CLASP1: variants seen among roughly 807,000 people sequenced by gnomAD.
CLASP1 encodes the protein cytoplasmic linker associated protein 1.
A neutral mutation model predicts 192.3 loss-of-function variants in CLASP1; 38 were observed. That is an observed-to-expected ratio of 0.20 (90% CI 0.15 to 0.26). The LOEUF is 0.26. Among genes scored for constraint, CLASP1 ranks in the 10% least tolerant of loss-of-function variants. The pLI is 1.00. For synonymous variants in CLASP1, 691 were observed against 712.8 expected (o/e 0.97, Z 0.49); for missense variants, 1,433 against 1,932.5 (o/e 0.74, Z 4.85).
chr2:121,441,867 C>G (rs954827201), intron 19 of CLASP1, among the ~76,000 whole-genome samples: 55 of 152,096 alleles, frequency 3.6e-4, no homozygotes, highest in African/African-American at 1.3e-3. Flanking sequence ...CTAAAATTCA[C>G]AGTTCTTGGA....
At chr2:121,627,493 T>C (rs897417958) in intron 1 of CLASP1, among the ~76,000 whole-genome samples, 2 of 152,186 alleles carry the variant, frequency 1.3e-5, no homozygotes, top group Admixed American at 1.3e-4. Flanking sequence ...CCTGCAAGGC[T>C]CTACTTTTCC....
chr2:121,559,803 C>T (rs536618773), intron 2 of CLASP1, among the ~76,000 whole-genome samples: 1 of 152,120 alleles, frequency 6.6e-6, no homozygotes, highest in South Asian at 2.1e-4. Flanking sequence ...TACAAAAAAA[C>T]CACTTAATTG....
At chr2:121,589,282 T>C (rs1304227300) in intron 2 of CLASP1, among the ~76,000 whole-genome samples, 1 of 152,128 alleles carries the variant, frequency 6.6e-6, no homozygotes, top group African/African-American at 2.4e-5. Flanking sequence ...TAGGCTAGAA[T>C]CAAATGGAGA....
At chr2:121,592,833 TA>T (rs2105767536) in intron 2 of CLASP1, among the ~76,000 whole-genome samples, 1 of 152,196 alleles carries the variant, frequency 6.6e-6, no homozygotes, top group East Asian at 1.9e-4. Flanking sequence ...TTTGTATTTT[TA>T]GTAGAGACGG....
chr2:121,518,750 G>A (rs2094387997), intron 6 of CLASP1, among the ~76,000 whole-genome samples: 1 of 151,906 alleles, frequency 6.6e-6, no homozygotes, highest in South Asian at 2.1e-4. Context: ...GGCGGCGAGC[G>A]CCTGTTAGTC....
At chr2:121,518,231 C>CAAAAAAAAAAAAA (rs35409200) in intron 6 of CLASP1, among the ~76,000 whole-genome samples, 1 of 49,580 alleles carries the variant, frequency 2.0e-5, no homozygotes, top group African/African-American at 7.1e-5. Context: ...ACCCCCGTCT[C>CAAAAAAAAAAAAA]AAAAAAAAAA....
chr2:121,394,010 G>T (rs1437367441), intron 30 of CLASP1, among the ~76,000 whole-genome samples: 4 of 152,134 alleles, frequency 2.6e-5, no homozygotes, highest in African/African-American at 9.7e-5. Context: ...GAATAACTAT[G>T]GAAGCCTTCT....
At chr2:121,447,712 TAATGTATC>T (rs1253077967) in intron 18 of CLASP1, among the ~76,000 whole-genome samples, 3 of 152,256 alleles carry the variant, frequency 2.0e-5, no homozygotes, top group Non-Finnish European at 4.4e-5. Flanking sequence ...ATCTCAATTG[TAATGTATC>T]AATTACATTT....
chr2:121,580,184 A>C lies in CLASP1; in HGVS notation c.195+25517T>G, dbSNP rs537584440. On this transcript the variant is annotated intron_variant, in intron 2 of 39. Transcript: ENST00000263710. ...AGAATTCCAAAAGAAAAATTAAGAA[A>C]TCACTGTGAGGTACCAGTGATCTTC... Among the ~76,000 whole-genome samples the C allele has an allele frequency of 3.9e-5, 6 of 152,314 alleles. No individual in the cohort carries two copies. In the South Asian group the frequency reaches 1.2e-3, roughly 32 times the overall value.
chr2:121,446,599 T>C (rs906801171), intron 19 of CLASP1, among the ~76,000 whole-genome samples: 1 of 152,222 alleles, frequency 6.6e-6, no homozygotes, highest in Non-Finnish European at 1.5e-5. Flanking sequence ...TTTGAATGAA[T>C]TGGCTCTTAC....
At chr2:121,469,267 C>A (rs1020551576) in intron 9 of CLASP1, among the ~76,000 whole-genome samples, 1 of 152,162 alleles carries the variant, frequency 6.6e-6, no homozygotes, top group Admixed American at 6.5e-5. Flanking sequence ...ACAGCTGCCA[C>A]CTCACCATGG....
chr2:121,377,971 T>A (rs539012650), intron 33 of CLASP1, among the ~76,000 whole-genome samples: 1 of 152,248 alleles, frequency 6.6e-6, no homozygotes, highest in African/African-American at 2.4e-5. Context: ...AAAAATAACT[T>A]TCTTATTTTG....
chr2:121,499,558 C>T (rs2093662184), intron 8 of CLASP1, among the ~76,000 whole-genome samples: 1 of 150,070 alleles, frequency 6.7e-6, no homozygotes, highest in Non-Finnish European at 1.5e-5. Context: ...AGTGAAACAC[C>T]AGTAGGTAAA....
At chr2:121,449,164 A>G in intron 16 of CLASP1, 44 bp from the exon 17 acceptor site, 1 of 1,581,728 alleles carries the variant, frequency 6.3e-7, no homozygotes, top group Non-Finnish European at 8.7e-7. Flanking sequence ...AAGGATCCAA[A>G]CAGGTCTTTT....
chr2:121,516,751 G>A (rs766551949), intron 6 of CLASP1, among the ~76,000 whole-genome samples: 10 of 152,210 alleles, frequency 6.6e-5, no homozygotes, highest in Non-Finnish European at 1.2e-4. Flanking sequence ...ATCATAAGCC[G>A]GGCGTGGTGG....
chr2:121,388,755 T>C (rs1182099962), intron 30 of CLASP1, among the ~76,000 whole-genome samples: 1 of 152,240 alleles, frequency 6.6e-6, no homozygotes, highest in African/African-American at 2.4e-5. Flanking sequence ...CTAATTGGCA[T>C]TTCTAATTAA....
chr2:121,428,144 G>T (rs576901612), intron 20 of CLASP1, among the ~76,000 whole-genome samples: 72 of 152,220 alleles, frequency 4.7e-4, no homozygotes, highest in African/African-American at 1.7e-3. Context: ...TTATAAGACT[G>T]AAAAATTAAA....
At chr2:121,619,731 G>C (rs2067013200) in intron 1 of CLASP1, among the ~76,000 whole-genome samples, 1 of 152,106 alleles carries the variant, frequency 6.6e-6, no homozygotes, top group Non-Finnish European at 1.5e-5. Flanking sequence ...AACTGTAAAA[G>C]TAGAACATAG....
intron 32 of CLASP1, among the ~76,000 whole-genome samples, chr2:121,383,881 TCACACAGAAATGATGTCTAACGG>T (rs1190014506): frequency 6.6e-6 from 1 of 151,524 alleles, no homozygotes; most frequent in Non-Finnish European, 1.5e-5. Context: ...GTTTATTCTT[TCACACAGAAATGATGTCTAACGG>T]AATGTTTTAC....
Sources: gnomAD v4.1 joint callset for allele counts (sites outside exome capture counted in the v4.1 genomes callset) on GRCh38, gnomAD v4.1.1 for gene constraint, MANE v1.5 for transcripts, NCBI Gene and HGNC (gene_info 2026-07-23, HGNC 2026-07-21) for gene names.